Variants in USP4 observed in about 807,000 individuals in gnomAD.
USP4 encodes ubiquitin specific peptidase 4.
Under a neutral mutation model 118.2 loss-of-function variants are expected in USP4, and 72 were observed. The ratio of observed to expected loss-of-function variants is 0.61; its 90% confidence interval spans 0.50 to 0.74. The LOEUF (loss-of-function observed/expected upper bound fraction) is 0.74. Among genes scored for constraint, USP4 ranks in the 30% least tolerant of loss-of-function variants. The probability of loss-of-function intolerance (pLI) is 0.00; values close to 1 mark genes in which losing one functional copy is unlikely to be tolerated. For synonymous variants in USP4, 415 were observed against 440.4 expected (o/e 0.94, Z 0.72); for missense variants, 1,037 against 1,185.7 (o/e 0.87, Z 1.84).
chr3:49,281,307 T>A (rs2047021259), intron 19 of USP4, among the ~76,000 whole-genome samples: 1 of 150,870 alleles, frequency 6.6e-6, no homozygotes, highest in Middle Eastern at 3.4e-3. Flanking sequence ...AATACAAAAA[T>A]TAGCTGGGCG....
At chr3:49,325,361 T>G (rs958940690) in intron 4 of USP4, among the ~76,000 whole-genome samples, 2 of 146,560 alleles carry the variant, frequency 1.4e-5, no homozygotes, top group African/African-American at 5.0e-5. Flanking sequence ...CTGCGATTTG[T>G]TTTTTTTTTT....
At chr3:49,297,765 A>G in intron 13 of USP4, 105 bp downstream of exon 13, 1 of 936,656 alleles carries the variant, frequency 1.1e-6, no homozygotes, top group Non-Finnish European at 1.7e-6. Context: ...GCCAATCCAC[A>G]TGAGCAATGA....
intron 15 of USP4, among the ~76,000 whole-genome samples, chr3:49,290,874 G>A (rs781617487): frequency 2.6e-5 from 4 of 152,010 alleles, no homozygotes; most frequent in Admixed American, 6.5e-5. Context: ...AGCACTTCAC[G>A]AGGGCAAGGT....
chr3:49,290,523 GT>G (rs1183759086), intron 15 of USP4, among the ~76,000 whole-genome samples: 1 of 152,182 alleles, frequency 6.6e-6, no homozygotes, highest in East Asian at 1.9e-4. Flanking sequence ...GCTGGTTTTT[GT>G]TTTTGTTTGA....
At chr3:49,315,553 CA>C (rs2047426488) in intron 6 of USP4, among the ~76,000 whole-genome samples, 2 of 152,070 alleles carry the variant, frequency 1.3e-5, no homozygotes, top group African/African-American at 2.4e-5. Flanking sequence ...ATTAGGTAAG[CA>C]AGATCTCACT....
At chr3:49,308,408 C>T (rs1413575879) in intron 8 of USP4, among the ~76,000 whole-genome samples, 1 of 152,086 alleles carries the variant, frequency 6.6e-6, no homozygotes, top group African/African-American at 2.4e-5. Context: ...CAACCTCCGC[C>T]TCCCGGGATC....
intron 6 of USP4, among the ~76,000 whole-genome samples, chr3:49,322,483 G>A (rs1044455847): frequency 6.6e-5 from 10 of 152,190 alleles, no homozygotes; most frequent in Non-Finnish European, 2.9e-5. Flanking sequence ...GTAGCAGAAT[G>A]TGCATATAAT....
intron 6 of USP4, chr3:49,317,539 T>C (rs1475399879): frequency 3.5e-6 from 2 of 564,344 alleles, no homozygotes; most frequent in African/African-American, 2.4e-5. Flanking sequence ...TTTTTGTTTG[T>C]TTGTTTTTTT....
chr3:49,312,924 T>TGC, intron 6 of USP4: 1 of 147,330 alleles, frequency 6.8e-6, no homozygotes, highest in Non-Finnish European at 1.5e-5. Flanking sequence ...CGGAGTCTCA[T>TGC]TCTCTCGCCA....
chr3:49,290,475 T>C (rs2047140715), intron 15 of USP4, among the ~76,000 whole-genome samples: 1 of 152,234 alleles, frequency 6.6e-6, no homozygotes, highest in South Asian at 2.1e-4. Flanking sequence ...TGGAGGAATC[T>C]GGACATTTGG....
At chr3:49,320,977 T>C (rs1304774318) in intron 6 of USP4, among the ~76,000 whole-genome samples, 1 of 152,168 alleles carries the variant, frequency 6.6e-6, no homozygotes, top group Non-Finnish European at 1.5e-5. Context: ...AAGCCAGGTA[T>C]TGTCATATGA....
At chr3:49,331,985 A>T (rs569313260) in intron 2 of USP4, among the ~76,000 whole-genome samples, 1,722 of 151,436 alleles carry the variant, frequency 0.011, 34 homozygotes, top group Middle Eastern at 0.051. Flanking sequence ...AAAAAAAAAA[A>T]TACAAAGCTG....
Position 49,335,467 on chromosome 3 carries a change from A to G in USP4, c.229+2T>C, listed in dbSNP as rs1559482642. 1.2e-6 allele frequency: 2 copies of G among 1,614,196 alleles called. No homozygotes were observed. Among genetic ancestry groups the G allele is most frequent in the Non-Finnish European group, 1.7e-6 (2 of 1,180,040 alleles). On this transcript the variant is annotated splice_donor_variant, in intron 2 of 21. Transcript: ENST00000265560. LOFTEE classifies it high-confidence loss of function. ...TAGCTAGAAAAGCAACATTTACTAT[A>G]CCTGAAAATAGCCCAGAGTTGTCTA...
At chr3:49,328,028 G>C (rs913704535) in intron 2 of USP4, among the ~76,000 whole-genome samples, 6 of 152,072 alleles carry the variant, frequency 3.9e-5, no homozygotes, top group Admixed American at 1.3e-4. Flanking sequence ...TGAGGAATTT[G>C]TATTTCTTCT....
At position 49,292,505 on chromosome 3, in the gene USP4, C is replaced by A. The variant is rs376656962; in HGVS notation, c.1972+5G>T. On this transcript the variant is annotated splice_donor_5th_base_variant and intron_variant, in intron 15 of 21. Coordinates refer to ENST00000265560, the MANE Select transcript of USP4 (RefSeq NM_003363.4). ...TCACAGCCACAGAGCATGGTGCATA[C>A]TCACCTTCACAGCTGTTCCTGGAGC... 6.4e-7 allele frequency: 1 copy of A among 1,560,568 alleles called. No individual in the cohort carries two copies.
rs2107806642 is a variant in USP4 at position 49,335,549 on chromosome 3, C to T, written c.149G>A (p.Gly50Asp). Residue 50 changes from glycine (G) to aspartate (D), a missense_variant, in exon 2 of 22, where the codon GGC becomes GAC. Transcript: ENST00000265560. The part of the protein sequence containing the change: ...RWFKQWKKYV[G>D]FDSWDMYNVG... ...ATTGTACATGTCCCAGCTGTCAAAG[C>T]CCACATACTTCTTCCACTGCTTGAA... 6.2e-7 allele frequency: 1 copy of T among 1,614,198 alleles called. No individual in the cohort carries two copies. The highest frequency in any genetic ancestry group is 2.2e-5 in the East Asian group (1 of 44,886).
At position 49,278,410 on chromosome 3, in the gene USP4, A is replaced by C. The variant is rs147701561; in HGVS notation, c.2775T>G (p.Asp925Glu). The change falls in exon 22 of 22, where the codon GAT (aspartate) becomes GAG (glutamate). Residue 925 changes from aspartate to glutamate, a missense_variant. Physicochemically the swap from Asp to Glu is conservative, Grantham distance 45. Transcript: ENST00000265560. ...TAAGTGAAGGTGTCTTATAAAATTC[A>C]TCATCTCGACGTTGGTAAAATAGCA... is the stretch of plus-strand genomic sequence containing the variant. ...AYVLFYQRRD[D>E]EFYKTPSLSS... 6.4e-5 allele frequency: 103 copies of C among 1,614,186 alleles called. No individual in the cohort carries two copies. In the African/African-American group the frequency reaches 1.1e-3, roughly 17 times the overall value.
chr3:49,295,714 G>GCGCGCGCGCGCGCGCACACACA (rs149459963), intron 13 of USP4, among the ~76,000 whole-genome samples: 1 of 148,320 alleles, frequency 6.7e-6, no homozygotes, highest in African/African-American at 2.6e-5. Context: ...GCGCGCGCGC[G>GCGCGCGCGCGCGCGCACACACA]CACACACACA....
intron 14 of USP4, among the ~76,000 whole-genome samples, chr3:49,292,842 C>T (rs906222137): frequency 8.6e-5 from 13 of 152,044 alleles, no homozygotes; most frequent in Non-Finnish European, 1.5e-5. Flanking sequence ...CCAGCCTGGC[C>T]AACATGGTGA....
Sources: allele counts gnomAD v4.1 joint callset (sites outside exome capture counted in the v4.1 genomes callset), GRCh38; gene constraint gnomAD v4.1.1; transcripts MANE v1.5; gene names NCBI Gene and HGNC (gene_info 2026-07-23, HGNC 2026-07-21).